CSMD1: variants seen among roughly 807,000 people sequenced by gnomAD.
The protein encoded by CSMD1 is CUB and sushi domain-containing protein 1.
In CSMD1, 213 loss-of-function variants were observed where a neutral mutation model predicts 417.5. The ratio of observed to expected loss-of-function variants is 0.51; its 90% CI spans 0.46 to 0.57. The LOEUF (loss-of-function observed/expected upper bound fraction) is 0.57, where lower values mean the gene tolerates loss of function less well. Ranked by LOEUF, CSMD1 falls within the 20% of genes least tolerant of loss-of-function variation. The pLI is 0.00. For synonymous variants in CSMD1, 2,862 were observed against 1,736.8 expected (o/e 1.65, Z -16.11); for missense variants, 6,923 against 4,529.7 (o/e 1.53, Z -15.17).
In CSMD1 at chr8:3,772,587, TTATA is replaced by T. The variant is rs1434560760; in HGVS notation, c.819-18549_819-18546del. ...TATATATACATATATACACATATAT[TTATA>T]TACATATATACACATATATTTATAT... is the stretch of plus-strand genomic sequence containing the variant. On this transcript the variant is annotated intron_variant, in intron 5 of 69. Coordinates refer to ENST00000635120, the MANE Select transcript of CSMD1 (RefSeq NM_033225.6). 4.1e-5 allele frequency among the ~76,000 whole-genome samples: 5 copies of T among 122,978 alleles called. 1 individual carries two copies. Among genetic ancestry groups the T allele is most frequent in the African/African-American group, 1.5e-4 (5 of 33,230 alleles). 80.7% of individuals were successfully genotyped at this position (122,978 alleles called of 152,430 possible).
intron 10 of CSMD1, among the ~76,000 whole-genome samples, chr8:3,557,848 T>C (rs1330709011): frequency 6.6e-6 from 1 of 152,190 alleles, no homozygotes; most frequent in Non-Finnish European, 1.5e-5. Flanking sequence ...ACTCCAAAGG[T>C]AACTTAAGGG....
chr8:3,787,308 T>C (rs751066570), intron 5 of CSMD1, among the ~76,000 whole-genome samples: 22 of 152,194 alleles, frequency 1.4e-4, no homozygotes, highest in Middle Eastern at 3.2e-3. Context: ...ATTTCATGGA[T>C]ATTTAAATTG....
intron 54 of CSMD1, among the ~76,000 whole-genome samples, chr8:2,987,182 G>A (rs972869158): frequency 1.3e-5 from 2 of 151,942 alleles, no homozygotes; most frequent in Non-Finnish European, 2.9e-5. Context: ...GCATTTGCAG[G>A]TCAAGAAGAA....
chr8:4,857,793 G>C (rs1025881545), intron 1 of CSMD1, among the ~76,000 whole-genome samples: 1 of 151,900 alleles, frequency 6.6e-6, no homozygotes, highest in African/African-American at 2.4e-5. Context: ...ACCAAAAAGA[G>C]TCCAGGACCA....
chr8:4,461,834 G>T (rs748231888), intron 2 of CSMD1, among the ~76,000 whole-genome samples: 2 of 150,764 alleles, frequency 1.3e-5, no homozygotes, highest in Non-Finnish European at 2.9e-5. Context: ...TCCACCTACG[G>T]GGTTCCCGCC....
intron 3 of CSMD1, among the ~76,000 whole-genome samples, chr8:4,380,095 G>T (rs750220737): frequency 6.6e-6 from 1 of 152,176 alleles, no homozygotes; most frequent in South Asian, 2.1e-4. Flanking sequence ...AAGTAAATGG[G>T]AGAAAAATAA....
At chr8:3,877,875 C>T (rs546212607) in intron 5 of CSMD1, among the ~76,000 whole-genome samples, 1 of 151,886 alleles carries the variant, frequency 6.6e-6, no homozygotes, top group Admixed American at 6.6e-5. Context: ...ATTACTAAAC[C>T]ATTCAGAAGG....
At chr8:3,097,095 G>A (rs192852856) in intron 46 of CSMD1, 58 bp from the exon 47 acceptor site, 2 of 1,329,878 alleles carry the variant, frequency 1.5e-6, no homozygotes, top group Non-Finnish European at 1.0e-6. Context: ...AACTGCAATA[G>A]GATAGTTTCT....
intron 3 of CSMD1, among the ~76,000 whole-genome samples, chr8:4,217,111 G>C (rs1270536969): frequency 2.0e-5 from 3 of 152,188 alleles, no homozygotes; most frequent in Non-Finnish European, 4.4e-5. Context: ...ATTTTAGTTG[G>C]TGTAGTGCTA....
At chr8:4,760,376 G>A (rs1479048812) in intron 1 of CSMD1, among the ~76,000 whole-genome samples, 4 of 152,074 alleles carry the variant, frequency 2.6e-5, no homozygotes, top group African/African-American at 9.7e-5. Context: ...CATGTCTGCT[G>A]CACAAATGAG....
chr8:4,018,347 C>G (rs139464204), intron 4 of CSMD1, among the ~76,000 whole-genome samples: 1 of 152,122 alleles, frequency 6.6e-6, no homozygotes, highest in Admixed American at 6.5e-5. Context: ...CATTTTCATC[C>G]ACAAATAATG....
intron 5 of CSMD1, among the ~76,000 whole-genome samples, chr8:3,775,442 G>A (rs1023845033): frequency 1.3e-5 from 2 of 151,982 alleles, no homozygotes; most frequent in African/African-American, 2.4e-5. Flanking sequence ...TTGGGGAGGG[G>A]GCAAAAACAA....
chr8:4,383,252 T>C (rs144921554), intron 3 of CSMD1, among the ~76,000 whole-genome samples: 5 of 152,338 alleles, frequency 3.3e-5, no homozygotes, highest in South Asian at 2.1e-4. Context: ...CTGAGCAGCA[T>C]TGTCTAGTAC....
intron 3 of CSMD1, among the ~76,000 whole-genome samples, chr8:4,359,771 G>C (rs1288755253): frequency 6.6e-6 from 1 of 152,184 alleles, no homozygotes; most frequent in South Asian, 2.1e-4. Context: ...CCACGTCAAG[G>C]AGTTGGTAAA....
At chr8:4,512,253 A>G (rs1279394415) in intron 2 of CSMD1, among the ~76,000 whole-genome samples, 1 of 152,190 alleles carries the variant, frequency 6.6e-6, no homozygotes, top group African/African-American at 2.4e-5. Flanking sequence ...GATTCAAAAA[A>G]TATCCTCAGT....
chr8:3,807,850 G>A (rs192363321), intron 5 of CSMD1, among the ~76,000 whole-genome samples: 81 of 152,236 alleles, frequency 5.3e-4, no homozygotes, highest in African/African-American at 1.9e-3. Flanking sequence ...TGGAATGACT[G>A]TGCTCCCTTG....
chr8:4,709,813 G>A (rs867539132), intron 1 of CSMD1, among the ~76,000 whole-genome samples: 1 of 152,124 alleles, frequency 6.6e-6, no homozygotes, highest in Admixed American at 6.6e-5. Flanking sequence ...GAGGAAAAGA[G>A]CACAGTGTCC....
In CSMD1 at chr8:3,312,476, G is replaced by A. The variant is rs557732109; in HGVS notation, c.3632-3973C>T. 2.7e-4 allele frequency among the ~76,000 whole-genome samples: 41 copies of A among 152,276 alleles called. No individual in the cohort carries two copies. In the South Asian group the frequency reaches 7.7e-3, roughly 29 times the overall value. Reference sequence around the variant, plus strand: ...CATTCCTCTTTCCTGTCAGAAAGTTGAAAGTATTTGGCCATTCTAGAGATC... The same window carrying A: ...CATTCCTCTTTCCTGTCAGAAAGTTAAAAGTATTTGGCCATTCTAGAGATC... On this transcript the variant is annotated intron_variant, in intron 23 of 69. Coordinates refer to ENST00000635120, the MANE Select transcript of CSMD1 (RefSeq NM_033225.6).
chr8:4,077,305 A>ATATATATATATG (rs1563092832), intron 3 of CSMD1, among the ~76,000 whole-genome samples: 4 of 130,358 alleles, frequency 3.1e-5, no homozygotes, highest in African/African-American at 1.1e-4. Flanking sequence ...GTGTATATAT[A>ATATATATATATG]TATATATATA....
Sources: gnomAD v4.1 joint callset for allele counts (sites outside exome capture counted in the v4.1 genomes callset) on GRCh38, gnomAD v4.1.1 for gene constraint, MANE v1.5 for transcripts, NCBI Gene and HGNC (gene_info 2026-07-23, HGNC 2026-07-21) for gene names.